Variants in STARD3 observed in about 807,000 individuals in gnomAD.
STARD3 encodes stAR-related lipid transfer protein 3.
Under a neutral mutation model 62.0 loss-of-function variants are expected in STARD3, and 39 were observed. That is an observed-to-expected ratio of 0.63 (90% CI 0.49 to 0.82). STARD3 has a LOEUF of 0.82. Among genes scored for constraint, STARD3 ranks in the 40% least tolerant of loss-of-function variants. STARD3 has a pLI of 0.00. For missense variants in STARD3, 543 were observed against 584.5 expected (o/e 0.93, Z 0.73); for synonymous variants, 229 against 242.4 (o/e 0.94, Z 0.51).
At chr17:39,662,644 A>G (rs1466799723) in intron 14 of STARD3, 160 bp from the exon 15 acceptor site, 10 of 701,426 alleles carry the variant, frequency 1.4e-5, no homozygotes, top group Middle Eastern at 3.3e-4. Context: ...CAGGCCCAGC[A>G]TGTTCTTCCT....
Position 39,660,476 on chromosome 17 carries a change from C to A in STARD3, c.904C>A (p.Leu302Met). 6.2e-7 allele frequency: 1 copy of A among 1,614,012 alleles called. No individual in the cohort carries two copies. Among genetic ancestry groups the A allele is most frequent in the Non-Finnish European group, 8.5e-7 (1 of 1,180,020 alleles). Residue 302 changes from leucine (L) to methionine (M), a missense_variant, in exon 11 of 15, where the codon CTG becomes ATG. Physicochemically the swap from Leu to Met is conservative, Grantham distance 15. Transcript: ENST00000336308. The surrounding 1 kb of genome is among the most constrained non-coding windows in gnomAD (Gnocchi z 4.8). ...PAELVYQEVI[L>M]QPERMVLWNK... ...GGAGCTCGTGTACCAGGAGGTGATC[C>A]TGCAGCCCGAGAGGATGGTGCTGTG...
At chr17:39,639,711 A>G (rs375118125) in intron 1 of STARD3, among the ~76,000 whole-genome samples, 2 of 152,242 alleles carry the variant, frequency 1.3e-5, no homozygotes, top group East Asian at 1.9e-4. Context: ...CCTGGGGGCA[A>G]CTATGCTCCG....
rs534525076 is a variant in STARD3, at chr17:39,663,144, G to A, written c.*236G>A. ...TCTGGCCTGTTGATGTTTACATGGCGCCCTGCCTCCTGGAGGACCAGATTG... is the reference window on the plus strand; with the variant it reads ...TCTGGCCTGTTGATGTTTACATGGCACCCTGCCTCCTGGAGGACCAGATTG... On this transcript the variant is annotated 3_prime_UTR_variant, in exon 15 of 15. Coordinates refer to ENST00000336308, the MANE Select transcript of STARD3 (RefSeq NM_006804.4). 6.5e-5 allele frequency: 30 copies of A among 463,656 alleles called. No homozygotes were observed. The highest frequency in any genetic ancestry group is 2.5e-4 in the Admixed American group (6 of 23,652). The allele number at this position is 463,656 out of a possible 1,614,324, so 28.7% of individuals were successfully genotyped here.
At position 39,662,815 on chromosome 17, in the gene STARD3, C is replaced by T; in HGVS notation, c.1245C>T (p.Pro415=). 1 of 1,610,474 alleles carries T rather than the reference C, an allele frequency of 6.2e-7. No individual in the cohort carries two copies. Among genetic ancestry groups the T allele is most frequent in the Non-Finnish European group, 8.5e-7 (1 of 1,178,616 alleles). The change falls in exon 15 of 15, where the codon CCC becomes CCT. Residue 415 remains proline, a synonymous_variant. Transcript: ENST00000336308. ...ILNTDLKGRL[P]RYLIHQSLAA... ...CTGCCTTCCCCCAGGGCCGCCTGCC[C>T]CGGTACCTCATCCACCAGAGCCTCG...
At chr17:39,644,776 C>T (rs2057010296) in intron 1 of STARD3, among the ~76,000 whole-genome samples, 4 of 151,364 alleles carry the variant, frequency 2.6e-5, no homozygotes, top group Non-Finnish European at 1.5e-5. Flanking sequence ...AGGAAGATCA[C>T]TTGAGCCAGG....
intron 1 of STARD3, among the ~76,000 whole-genome samples, chr17:39,648,153 T>TGGG (rs1216930119): frequency 6.6e-6 from 1 of 151,760 alleles, no homozygotes; most frequent in African/African-American, 2.4e-5. Context: ...GGCGTGGTGG[T>TGGG]GGGCGCCTGT....
chr17:39,653,216 A>C, intron 1 of STARD3: 1 of 436,296 alleles, frequency 2.3e-6, no homozygotes, highest in Admixed American at 3.8e-5. Context: ...ATGCAGAGGG[A>C]CCCCAGAGCC....
intron 8 of STARD3, 24 bp downstream of exon 8, chr17:39,659,130 C>T: frequency 6.2e-7 from 1 of 1,614,060 alleles, no homozygotes; most frequent in Non-Finnish European, 8.5e-7. Flanking sequence ...TACCCCTAAC[C>T]CCTGCCCTTG....
chr17:39,647,435 G>C (rs2057036997), intron 1 of STARD3, among the ~76,000 whole-genome samples: 1 of 152,132 alleles, frequency 6.6e-6, no homozygotes, highest in South Asian at 2.1e-4. Context: ...CTCCCAGGGG[G>C]CTGGGCTGTC....
chr17:39,653,105 G>A, intron 1 of STARD3: 1 of 200,214 alleles, frequency 5.0e-6, no homozygotes, highest in South Asian at 1.1e-4. Flanking sequence ...GGGGGTGGTG[G>A]CAGGCCCAGA....
At position 39,658,716 on chromosome 17, in the gene STARD3, C is replaced by T. The variant is rs201866436; in HGVS notation, c.548-6C>T. The T allele has an allele frequency of 8.6e-5, 139 of 1,613,966 alleles. No homozygotes were observed. The Admixed American group carries it at 8.8e-4, about 10-fold the overall frequency. On this transcript the variant is annotated splice_polypyrimidine_tract_variant and splice_region_variant and intron_variant, in intron 6 of 14. Transcript: ENST00000336308. ...CCTCGGTCCGGGACCGAGTCTGCTC[C>T]TCCAGGGTATCTTGCCGCCCAGGTT...
chr17:39,653,623 G>A lies in STARD3; in HGVS notation c.92G>A (p.Ser31Asn), dbSNP rs1265456349. Residue 31 changes from serine (S) to asparagine (N), a missense_variant, in exon 2 of 15, where the codon AGC (serine) becomes AAC (asparagine). Physicochemically the swap from Ser to Asn is conservative, Grantham distance 46 (BLOSUM62 1). Transcript: ENST00000336308. ...GGCTCCTCACTGTCCCACAGCCAGA[G>A]CCTCTCCTCGCACCTCCTTCCGCCG... ...SLGSSLSHSQ[S>N]LSSHLLPPPE... The A allele has an allele frequency of 1.2e-6, 2 of 1,613,430 alleles. No homozygotes were observed. Among genetic ancestry groups the A allele is most frequent in the Non-Finnish European group, 1.7e-6 (2 of 1,180,034 alleles).
intron 1 of STARD3, among the ~76,000 whole-genome samples, chr17:39,641,035 C>G (rs550980957): frequency 6.6e-6 from 1 of 152,320 alleles, no homozygotes; most frequent in African/African-American, 2.4e-5. Flanking sequence ...CCAACCATCC[C>G]GAGGCTGATG....
intron 2 of STARD3, 130 bp from the exon 3 acceptor site, chr17:39,656,878 T>C (rs1821253988): frequency 2.5e-6 from 2 of 810,832 alleles, no homozygotes; most frequent in South Asian, 1.6e-5. Context: ...GCCCCCTGGG[T>C]GGTGGCTTAG....
At chr17:39,639,203 G>A (rs757935869) in intron 1 of STARD3, among the ~76,000 whole-genome samples, 1 of 152,234 alleles carries the variant, frequency 6.6e-6, no homozygotes, top group Non-Finnish European at 1.5e-5. Flanking sequence ...GAGGATGGTT[G>A]AAGTGGCTTA....
Position 39,659,564 on chromosome 17 carries a change from C to G in STARD3, c.795+11C>G, listed in dbSNP as rs750469860. The stretch of plus-strand genomic sequence containing the variant: ...TTTGAGAAGAATAATGTAAGAAGCC[C>G]TCTCCCACCTGACCTTCCCATGCGT... On this transcript the variant is annotated intron_variant, in intron 9 of 14. Coordinates refer to ENST00000336308, the MANE Select transcript of STARD3 (RefSeq NM_006804.4). The G allele has an allele frequency of 1.2e-6, 2 of 1,613,598 alleles. No individual in the cohort carries two copies. Among genetic ancestry groups the G allele is most frequent in the Non-Finnish European group, 1.7e-6 (2 of 1,179,554 alleles).
At chr17:39,648,395 A>C (rs967860341) in intron 1 of STARD3, among the ~76,000 whole-genome samples, 8 of 152,226 alleles carry the variant, frequency 5.3e-5, no homozygotes, top group Non-Finnish European at 8.8e-5. Flanking sequence ...TGAGCCCAGG[A>C]GGTCAAAGCT....
intron 13 of STARD3, 155 bp downstream of exon 13, chr17:39,661,240 C>G (rs2145046560): frequency 1.5e-6 from 1 of 658,968 alleles, no homozygotes; most frequent in Non-Finnish European, 2.6e-6. Flanking sequence ...GGCTACTAAT[C>G]CTGCTAATCT....
rs777638103 is a variant in STARD3 at position 39,662,863 on chromosome 17, CT to C, written c.1296del (p.His433ThrfsTer62). The C allele has an allele frequency of 6.2e-7, 1 of 1,612,852 alleles. No individual in the cohort carries two copies. The highest frequency in any genetic ancestry group is 8.5e-7 in the Non-Finnish European group (1 of 1,179,554). ...SLAATMFEFA[F>X]HLRQRISELG... ...TCGCGGCCACCATGTTTGAATTTGC[CT>C]TTCACCTGCGACAGCGCATCAGCGA... is the stretch of plus-strand genomic sequence containing the variant. On this transcript the variant is annotated frameshift_variant, in exon 15 of 15. Transcript: ENST00000336308. LOFTEE classifies it high-confidence loss of function.
Sources: allele counts gnomAD v4.1 joint callset (sites outside exome capture counted in the v4.1 genomes callset), GRCh38; gene constraint gnomAD v4.1.1; non-coding constraint Gnocchi (gnomAD v3.1); transcripts MANE v1.5; gene names NCBI Gene and HGNC (gene_info 2026-07-23, HGNC 2026-07-21).